Variants in L3MBTL4 observed in about 807,000 individuals in gnomAD.
L3MBTL4 encodes the protein L3MBTL histone methyl-lysine binding protein 4, also known as lethal(3)malignant brain tumor-like protein 4.
A neutral mutation model predicts 84.5 loss-of-function variants in L3MBTL4; 70 were observed. That is an observed-to-expected ratio of 0.83 (90% CI 0.68 to 1.01). L3MBTL4 has a LOEUF of 1.01. L3MBTL4 is among the 50% of genes least tolerant of loss of function. The pLI is 0.00. For synonymous variants in L3MBTL4, 274 were observed against 259.8 expected, an observed-to-expected ratio of 1.05 and a Z score of -0.52; for missense variants, 715 against 754.8, an observed-to-expected ratio of 0.95 and a Z score of 0.62.
intron 12 of L3MBTL4, among the ~76,000 whole-genome samples, chr18:6,190,398 C>A (rs892464813): frequency 6.6e-6 from 1 of 152,154 alleles, no homozygotes; most frequent in Non-Finnish European, 1.5e-5. Flanking sequence ...CTGAGCTGTA[C>A]ACTTAAATTG....
chr18:6,200,502 G>A (rs1221716345), intron 12 of L3MBTL4, among the ~76,000 whole-genome samples: 1 of 152,152 alleles, frequency 6.6e-6, no homozygotes, highest in African/African-American at 2.4e-5. Context: ...ATTATTACCG[G>A]AAAATCACTA....
At chr18:6,046,101 A>G (rs998108202) in intron 16 of L3MBTL4, among the ~76,000 whole-genome samples, 2 of 152,212 alleles carry the variant, frequency 1.3e-5, no homozygotes, top group Non-Finnish European at 2.9e-5. Flanking sequence ...TGTTATTCCC[A>G]TATTAGATAA....
At chr18:6,229,557 A>G (rs2046910295) in intron 10 of L3MBTL4, among the ~76,000 whole-genome samples, 1 of 152,142 alleles carries the variant, frequency 6.6e-6, no homozygotes, top group South Asian at 2.1e-4. Flanking sequence ...TGCCAAATCC[A>G]ATGTCATGAA....
In L3MBTL4 at chr18:5,955,712, A is replaced by G. The variant is rs2095223214; in HGVS notation, c.*508T>C. 6.6e-6 allele frequency: 1 copy of G among 152,388 alleles called. No homozygotes were observed. The highest frequency in any genetic ancestry group is 1.5e-5 in the Non-Finnish European group (1 of 68,140). The allele number at this position is 152,388 out of a possible 1,614,324, so 9.4% of individuals were successfully genotyped here. ...ATTCACACTTTCCTGAGTAAAGTAC[A>G]CAAAAATCTCACATGAAGTCTTTTG... is the stretch of plus-strand genomic sequence containing the variant. On this transcript the variant is annotated 3_prime_UTR_variant, in exon 19 of 19. Transcript: ENST00000317931.
At chr18:6,335,218 G>A (rs548748969) in intron 1 of L3MBTL4, among the ~76,000 whole-genome samples, 1 of 152,214 alleles carries the variant, frequency 6.6e-6, no homozygotes, top group Middle Eastern at 3.4e-3. Context: ...AGCCTCCTGA[G>A]TAGTTGGGAT....
At chr18:6,314,439 G>C (rs572761140) in intron 1 of L3MBTL4, among the ~76,000 whole-genome samples, 1 of 152,082 alleles carries the variant, frequency 6.6e-6, no homozygotes, top group African/African-American at 2.4e-5. Flanking sequence ...AGCTGTGCCC[G>C]GTGTCCTCTG....
chr18:5,979,980 A>G (rs977035937), intron 16 of L3MBTL4, among the ~76,000 whole-genome samples: 1 of 152,192 alleles, frequency 6.6e-6, no homozygotes, highest in Non-Finnish European at 1.5e-5. Context: ...CGTCGCCTCC[A>G]GGGGCCACAC....
chr18:6,247,696 T>C (rs2047739553), intron 5 of L3MBTL4, among the ~76,000 whole-genome samples: 1 of 148,734 alleles, frequency 6.7e-6, no homozygotes, highest in African/African-American at 2.5e-5. Flanking sequence ...GGTCTCACCA[T>C]GTTGGCCAGG....
chr18:6,349,399 G>C (rs1308507247), intron 1 of L3MBTL4, among the ~76,000 whole-genome samples: 1 of 152,192 alleles, frequency 6.6e-6, no homozygotes, highest in Non-Finnish European at 1.5e-5. Context: ...CTGAATCTTA[G>C]AGACATTATG....
At chr18:6,190,756 C>T (rs548122597) in intron 12 of L3MBTL4, among the ~76,000 whole-genome samples, 5 of 151,956 alleles carry the variant, frequency 3.3e-5, no homozygotes, top group South Asian at 4.1e-4. Flanking sequence ...AGGTGAGAGC[C>T]GAGTTAGGGG....
chr18:6,061,869 A>G (rs959639801), intron 16 of L3MBTL4, among the ~76,000 whole-genome samples: 1 of 151,900 alleles, frequency 6.6e-6, no homozygotes, highest in African/African-American at 2.4e-5. Context: ...CTAGCGCTAT[A>G]CCATGCAAGC....
chr18:6,407,807 C>T (rs1344024214), intron 1 of L3MBTL4, among the ~76,000 whole-genome samples: 1 of 152,228 alleles, frequency 6.6e-6, no homozygotes, highest in Non-Finnish European at 1.5e-5. Context: ...CAAGCCCTTA[C>T]TCCACCCAAC....
intron 13 of L3MBTL4, among the ~76,000 whole-genome samples, chr18:6,151,962 T>C (rs1388627938): frequency 6.6e-6 from 1 of 152,200 alleles, no homozygotes; most frequent in East Asian, 1.9e-4. Flanking sequence ...TTAGATTTCA[T>C]ATAGGTAGGA....
chr18:6,030,344 ATAGC>A lies in L3MBTL4; in HGVS notation c.1444+50533_1444+50536del, dbSNP rs147984015. 7,714 of 985,282 alleles carry A rather than the reference ATAGC, an allele frequency of 7.8e-3. 465 individuals are homozygous for A. In the African/African-American group the frequency reaches 0.13, roughly 16 times the overall value. 61.0% of individuals were successfully genotyped at this position (985,282 alleles called of 1,614,324 possible). On this transcript the variant is annotated intron_variant, in intron 16 of 18. Transcript: ENST00000317931. ...CTCAAAATTCTGGGTGATAGAACAA[ATAGC>A]TAGCAAAAATCCTAGTCTGGGAGAA...
intron 1 of L3MBTL4, among the ~76,000 whole-genome samples, chr18:6,389,918 T>C (rs1356295696): frequency 6.6e-6 from 1 of 152,010 alleles, no homozygotes; most frequent in Admixed American, 6.6e-5. Flanking sequence ...AAAGAAACAA[T>C]GGACTTAAAC....
intron 4 of L3MBTL4, among the ~76,000 whole-genome samples, chr18:6,300,746 TACA>T (rs1027015800): frequency 4.6e-5 from 7 of 152,144 alleles, no homozygotes; most frequent in South Asian, 2.1e-4. Context: ...GCAGGGGAGA[TACA>T]ACAACATCAT....
intron 14 of L3MBTL4, among the ~76,000 whole-genome samples, chr18:6,127,439 A>G (rs1313965926): frequency 6.6e-6 from 1 of 152,204 alleles, no homozygotes; most frequent in Non-Finnish European, 1.5e-5. Flanking sequence ...GTGATGACTT[A>G]GAACAACTAG....
At chr18:6,006,086 A>G (rs2054470483) in intron 16 of L3MBTL4, among the ~76,000 whole-genome samples, 1 of 152,196 alleles carries the variant, frequency 6.6e-6, no homozygotes, top group African/African-American at 2.4e-5. Context: ...AATGAATTTT[A>G]TGTCTAAGTT....
chr18:6,251,304 G>A (rs544331525), intron 5 of L3MBTL4, among the ~76,000 whole-genome samples: 22 of 152,178 alleles, frequency 1.4e-4, no homozygotes, highest in Non-Finnish European at 2.9e-4. Context: ...AGAACTGTGC[G>A]AGAAACCGCC....
Sources: allele counts gnomAD v4.1 joint callset (sites outside exome capture counted in the v4.1 genomes callset), GRCh38; gene constraint gnomAD v4.1.1; transcripts MANE v1.5; gene names NCBI Gene and HGNC (gene_info 2026-07-23, HGNC 2026-07-21).